Variants in TANC1 observed in about 807,000 individuals in gnomAD.
TANC1 encodes the protein protein TANC1.
A neutral mutation model predicts 149.7 loss-of-function variants in TANC1; 77 were observed. The ratio of observed to expected loss-of-function variants is 0.51; its 90% CI spans 0.43 to 0.62. TANC1 has a LOEUF of 0.62. TANC1 is among the 20% of genes least tolerant of loss of function. The probability of loss-of-function intolerance (pLI) is 0.00; values close to 1 mark genes in which losing one functional copy is unlikely to be tolerated. For synonymous variants in TANC1, 854 were observed against 925.0 expected (o/e 0.92, Z 1.39); for missense variants, 1,985 against 2,321.8 (o/e 0.85, Z 2.98).
At chr2:159,016,430 C>G (rs1006861161) in intron 2 of TANC1, among the ~76,000 whole-genome samples, 7 of 152,156 alleles carry the variant, frequency 4.6e-5, no homozygotes, top group Admixed American at 2.6e-4. Flanking sequence ...CCATATTAGA[C>G]TTTGACATGA....
intron 1 of TANC1, among the ~76,000 whole-genome samples, chr2:158,987,169 G>A (rs1418280406): frequency 3.4e-5 from 5 of 148,094 alleles, no homozygotes; most frequent in African/African-American, 1.2e-4. Flanking sequence ...AGCCGAGATT[G>A]CGCCACTGCA....
intron 1 of TANC1, among the ~76,000 whole-genome samples, chr2:158,993,797 T>G (rs1190154007): frequency 1.3e-5 from 2 of 152,222 alleles, no homozygotes; most frequent in Admixed American, 1.3e-4. Flanking sequence ...AGTTAATTTC[T>G]AAAGTCATCT....
chr2:158,984,152 T>A (rs929539177), intron 1 of TANC1, among the ~76,000 whole-genome samples: 1 of 152,228 alleles, frequency 6.6e-6, no homozygotes, highest in African/African-American at 2.4e-5. Context: ...TTTTTACACT[T>A]TTCCTCTACC....
chr2:159,102,079 T>C (rs2046773364), intron 4 of TANC1, among the ~76,000 whole-genome samples: 2 of 152,222 alleles, frequency 1.3e-5, no homozygotes. Flanking sequence ...TATTGTCTCT[T>C]TGATTCTTGG....
At chr2:159,137,342 A>G (rs2050867100) in intron 5 of TANC1, among the ~76,000 whole-genome samples, 2 of 152,206 alleles carry the variant, frequency 1.3e-5, no homozygotes, top group South Asian at 4.1e-4. Flanking sequence ...AAGGATCAGC[A>G]AAAGCTGAAA....
chr2:159,045,012 A>G (rs893018909), intron 2 of TANC1, among the ~76,000 whole-genome samples: 10 of 152,272 alleles, frequency 6.6e-5, no homozygotes, highest in Non-Finnish European at 1.5e-4. Flanking sequence ...AGCAGAGTAC[A>G]TATCACAATT....
intron 2 of TANC1, among the ~76,000 whole-genome samples, chr2:159,007,152 T>G (rs2037282926): frequency 6.8e-6 from 1 of 146,488 alleles, no homozygotes; most frequent in Admixed American, 6.8e-5. Context: ...TTTTTTTTTT[T>G]TTTTTTTTTT....
At chr2:159,189,075 G>A (rs899771769) in intron 16 of TANC1, among the ~76,000 whole-genome samples, 4 of 152,216 alleles carry the variant, frequency 2.6e-5, no homozygotes, top group Non-Finnish European at 5.9e-5. Flanking sequence ...CACCTATAAA[G>A]TGGAGACACA....
At chr2:159,185,301 CA>C (rs1177272141) in intron 14 of TANC1, among the ~76,000 whole-genome samples, 1 of 152,196 alleles carries the variant, frequency 6.6e-6, no homozygotes, top group Non-Finnish European at 1.5e-5. Context: ...ATGGTACCTT[CA>C]CAAAAGGGAA....
intron 3 of TANC1, among the ~76,000 whole-genome samples, chr2:159,070,094 A>G (rs903815275): frequency 6.6e-6 from 1 of 152,162 alleles, no homozygotes; most frequent in African/African-American, 2.4e-5. Context: ...GCAGCCTCAC[A>G]TTAAAGAAAA....
rs1037520349 is a variant in TANC1 at position 159,199,032 on chromosome 2, G to A, written c.3223G>A (p.Asp1075Asn). ...ACATGAAGTAGAAGTCAATGGCACCGACACATTGTGGGGAGAAACAGGTAA... is the reference window on the plus strand; with the variant it reads ...ACATGAAGTAGAAGTCAATGGCACCAACACATTGTGGGGAGAAACAGGTAA... ...KEHEVEVNGT[D>N]TLWGETALTA... Residue 1075 changes from aspartate (D) to asparagine (N), a missense_variant, in exon 19 of 27, where the codon GAC becomes AAC. By Grantham distance (23) the Asp-to-Asn change is conservative (BLOSUM62 1). Coordinates refer to ENST00000263635, the MANE Select transcript of TANC1 (RefSeq NM_033394.3). 8 of 1,613,764 alleles carry A rather than the reference G, an allele frequency of 5.0e-6. No individual in the cohort carries two copies. Among genetic ancestry groups the A allele is most frequent in the Admixed American group, 1.7e-5 (1 of 60,004 alleles).
intron 2 of TANC1, among the ~76,000 whole-genome samples, chr2:159,052,572 T>G (rs936516114): frequency 1.3e-5 from 2 of 152,152 alleles, no homozygotes; most frequent in Non-Finnish European, 2.9e-5. Context: ...AAACTTCTAT[T>G]GTTTATAAAT....
At chr2:159,117,701 C>CTTTTTTTT (rs59509568) in intron 4 of TANC1, among the ~76,000 whole-genome samples, 3 of 113,270 alleles carry the variant, frequency 2.6e-5, no homozygotes, top group African/African-American at 1.1e-4. Flanking sequence ...CGGCCTATTC[C>CTTTTTTTT]TTTTTTTTTT....
intron 2 of TANC1, among the ~76,000 whole-genome samples, chr2:159,039,767 C>G (rs1254419088): frequency 6.6e-6 from 1 of 152,072 alleles, no homozygotes; most frequent in Non-Finnish European, 1.5e-5. Context: ...TGCTTTATTT[C>G]CGGCTATGTG....
At chr2:159,089,478 G>A (rs1440105784) in intron 3 of TANC1, among the ~76,000 whole-genome samples, 1 of 151,966 alleles carries the variant, frequency 6.6e-6, no homozygotes, top group East Asian at 1.9e-4. Flanking sequence ...CAATTCCTTG[G>A]TCCTGTCCTG....
At position 159,178,730 on chromosome 2, in the gene TANC1, A is replaced by G. The variant is rs750990055; in HGVS notation, c.2077A>G (p.Ser693Gly). 3 of 1,614,182 alleles carry G rather than the reference A, an allele frequency of 1.9e-6. No homozygotes were observed. Among genetic ancestry groups the G allele is most frequent in the South Asian group, 2.2e-5 (2 of 91,070 alleles). Residue 693 changes from serine (S) to glycine (G), a missense_variant, in exon 14 of 27, where the codon AGC becomes GGC. Transcript: ENST00000263635. The part of the protein sequence containing the change: ...KADATLIGKV[S>G]SHLVLRSLGS... ...CGATGCCACACTCATTGGAAAAGTG[A>G]GCAGCCACCTGGTGCTGCGGAGCCT...
In TANC1 at chr2:159,071,815, G is replaced by T. The variant is rs187258417; in HGVS notation, c.61+5844G>T. 2.5e-4 allele frequency among the ~76,000 whole-genome samples: 38 copies of T among 152,204 alleles called. No individual in the cohort carries two copies. The East Asian group carries it at 7.2e-3, about 29-fold the overall frequency. ...TCTCTTGCTGAGCTATGGATATTTG[G>T]TATCTTCTTGTTAACATTCTCCAAA... is the stretch of plus-strand genomic sequence containing the variant. On this transcript the variant is annotated intron_variant, in intron 3 of 26. Coordinates refer to ENST00000263635, the MANE Select transcript of TANC1 (RefSeq NM_033394.3).
chr2:158,999,605 A>G (rs773642563), intron 1 of TANC1, among the ~76,000 whole-genome samples: 4 of 152,140 alleles, frequency 2.6e-5, no homozygotes, highest in African/African-American at 9.7e-5. Flanking sequence ...TTGAGGAGGA[A>G]GTAGTGGTTT....
At chr2:159,051,795 T>TG (rs2149594048) in intron 2 of TANC1, among the ~76,000 whole-genome samples, 1 of 152,252 alleles carries the variant, frequency 6.6e-6, no homozygotes, top group East Asian at 1.9e-4. Context: ...ATTTGGCTGC[T>TG]GCCACAGCTG....
Sources: allele counts gnomAD v4.1 joint callset (sites outside exome capture counted in the v4.1 genomes callset), GRCh38; gene constraint gnomAD v4.1.1; transcripts MANE v1.5; gene names NCBI Gene and HGNC (gene_info 2026-07-23, HGNC 2026-07-21).